PI4KA: variants seen among roughly 807,000 people sequenced by gnomAD.
The protein encoded by PI4KA is phosphatidylinositol 4-kinase alpha, also known as PI4-kinase alpha.
A neutral mutation model predicts 271.4 loss-of-function variants in PI4KA; 122 were observed. The ratio of observed to expected loss-of-function variants is 0.45; its 90% CI spans 0.39 to 0.52. The LOEUF is 0.52. PI4KA is among the 20% of genes least tolerant of loss of function. PI4KA has a pLI of 0.00. For missense variants in PI4KA, 1,969 were observed against 2,769.1 expected, an observed-to-expected ratio of 0.71 and a Z score of 6.48; for synonymous variants, 1,041 against 1,078.8, an observed-to-expected ratio of 0.96 and a Z score of 0.69.
chr22:20,832,727 T>C (rs1924353333), intron 3 of PI4KA, among the ~76,000 whole-genome samples: 1 of 152,202 alleles, frequency 6.6e-6, no homozygotes, highest in South Asian at 2.1e-4. Flanking sequence ...AGTGCAGAGA[T>C]TACAGGTGTG....
At chr22:20,723,436 G>A (rs756732183) in intron 42 of PI4KA, among the ~76,000 whole-genome samples, 1 of 151,942 alleles carries the variant, frequency 6.6e-6, no homozygotes, top group Non-Finnish European at 1.5e-5. Context: ...GGTGGCACAC[G>A]CCTGTAATCC....
intron 19 of PI4KA, among the ~76,000 whole-genome samples, chr22:20,766,990 T>A (rs1375798835): frequency 6.6e-6 from 1 of 152,100 alleles, no homozygotes; most frequent in Non-Finnish European, 1.5e-5. Flanking sequence ...ATTCTAAATA[T>A]CCCCACATAT....
chr22:20,712,282 C>A, intron 50 of PI4KA: 1 of 733,950 alleles, frequency 1.4e-6, no homozygotes, highest in Non-Finnish European at 1.7e-6. Flanking sequence ...GTTTTGATCT[C>A]TTGACCTCGT....
intron 3 of PI4KA, among the ~76,000 whole-genome samples, chr22:20,825,746 T>C (rs11090421): frequency 1.9e-3 from 296 of 152,314 alleles, no homozygotes; most frequent in Admixed American, 4.9e-3. Flanking sequence ...AATTTTTATT[T>C]CAGGTTCAGG....
At chr22:20,744,871 A>G (rs761057999) in intron 29 of PI4KA, 151 bp from the exon 30 acceptor site, 26 of 531,860 alleles carry the variant, frequency 4.9e-5, no homozygotes, top group Admixed American at 1.6e-4. Context: ...TTAATAAAGC[A>G]AAATATTTTA....
chr22:20,723,840 ATATT>A (rs960968473), intron 42 of PI4KA, among the ~76,000 whole-genome samples: 37 of 151,336 alleles, frequency 2.4e-4, no homozygotes, highest in African/African-American at 8.5e-4. Flanking sequence ...AAATAAATAA[ATATT>A]TATTATTTTT....
At chr22:20,720,589 G>A (rs1222083430) in intron 43 of PI4KA, among the ~76,000 whole-genome samples, 1 of 152,166 alleles carries the variant, frequency 6.6e-6, no homozygotes, top group Non-Finnish European at 1.5e-5. Context: ...GTGTGGTGCA[G>A]TATCAAAAAG....
At chr22:20,780,235 C>A (rs774618166) in intron 19 of PI4KA, 2 of 1,613,866 alleles carry the variant, frequency 1.2e-6, no homozygotes, top group African/African-American at 2.7e-5. Flanking sequence ...CACAGCAAAC[C>A]CACAACATAC....
At chr22:20,746,276 A>C (rs533585120) in intron 29 of PI4KA, among the ~76,000 whole-genome samples, 10 of 151,854 alleles carry the variant, frequency 6.6e-5, no homozygotes, top group African/African-American at 1.5e-4. Flanking sequence ...GTTGGCCAGG[A>C]TGGTCTCGAT....
chr22:20,812,136 T>C (rs1169358936), intron 8 of PI4KA, among the ~76,000 whole-genome samples: 1 of 152,096 alleles, frequency 6.6e-6, no homozygotes, highest in Non-Finnish European at 1.5e-5. Context: ...ATTTCTGACA[T>C]GGTACTGGGA....
At chr22:20,814,800 T>C (rs1406866006) in intron 7 of PI4KA, among the ~76,000 whole-genome samples, 1 of 140,360 alleles carries the variant, frequency 7.1e-6, no homozygotes, top group Admixed American at 7.1e-5. Flanking sequence ...TTTACCACAA[T>C]AAAAAAAAAA....
At chr22:20,796,097 A>G in intron 18 of PI4KA, 49 bp downstream of exon 18, 1 of 1,557,064 alleles carries the variant, frequency 6.4e-7, no homozygotes, top group Non-Finnish European at 8.8e-7. Flanking sequence ...AGCCTTGGCC[A>G]GCAGGGATAG....
chr22:20,774,703 G>T (rs1417462350), intron 19 of PI4KA, among the ~76,000 whole-genome samples: 1 of 150,762 alleles, frequency 6.6e-6, no homozygotes, highest in African/African-American at 2.4e-5. Context: ...AGAGGTTGCA[G>T]TGAGCGGAGA....
chr22:20,723,398 A>C (rs1405724608), intron 42 of PI4KA, among the ~76,000 whole-genome samples: 1 of 152,070 alleles, frequency 6.6e-6, no homozygotes, highest in African/African-American at 2.4e-5. Context: ...AATTTTTTTA[A>C]ACTTAAAAAA....
intron 1 of PI4KA, among the ~76,000 whole-genome samples, chr22:20,852,845 A>G (rs989655013): frequency 2.0e-5 from 3 of 152,186 alleles, no homozygotes; most frequent in African/African-American, 7.2e-5. Context: ...ACCAAGCCAC[A>G]TATTCTCCCA....
At chr22:20,779,204 G>A in intron 19 of PI4KA, 1 of 1,598,312 alleles carries the variant, frequency 6.3e-7, no homozygotes, top group South Asian at 1.1e-5. Flanking sequence ...GCCTCTTCCT[G>A]GGTCAAAGCC....
chr22:20,780,506 G>A (rs1054906088), intron 19 of PI4KA, among the ~76,000 whole-genome samples: 1 of 152,150 alleles, frequency 6.6e-6, no homozygotes, highest in Non-Finnish European at 1.5e-5. Context: ...GGTGGCTCAC[G>A]CCTGTAATCC....
intron 8 of PI4KA, 50 bp from the exon 9 acceptor site, chr22:20,811,082 G>T: frequency 7.4e-7 from 1 of 1,357,108 alleles, no homozygotes; most frequent in Non-Finnish European, 1.1e-6. Flanking sequence ...ACAGAGACAG[G>T]AATGCTAGCT....
At chr22:20,756,141 G>A (rs558396115) in intron 23 of PI4KA, among the ~76,000 whole-genome samples, 273 of 152,120 alleles carry the variant, frequency 1.8e-3, no homozygotes, top group African/African-American at 6.6e-3. Flanking sequence ...GTGAGAGGCT[G>A]CTTTCTTAAG....
Sources: allele counts gnomAD v4.1 joint callset (sites outside exome capture counted in the v4.1 genomes callset), GRCh38; gene constraint gnomAD v4.1.1; transcripts MANE v1.5; gene names NCBI Gene and HGNC (gene_info 2026-07-23, HGNC 2026-07-21).